Variants in DCST1 observed in about 807,000 individuals in gnomAD.
The protein encoded by DCST1 is DC-STAMP domain containing 1, also known as E3 ubiquitin-protein ligase DCST1.
A neutral mutation model predicts 89.1 loss-of-function variants in DCST1; 78 were observed. The observed-to-expected ratio is 0.88, with a 90% CI of 0.73 to 1.06. DCST1 has a LOEUF of 1.06. DCST1 is among the 50% of genes least tolerant of loss of function. The probability of loss-of-function intolerance (pLI) is 0.00; values close to 1 mark genes in which losing one functional copy is unlikely to be tolerated. For synonymous variants in DCST1, 364 were observed against 371.9 expected (o/e 0.98, Z 0.24); for missense variants, 900 against 928.6 (o/e 0.97, Z 0.40).
chr1:155,047,395 G>T lies in DCST1; in HGVS notation c.1612+83G>T, dbSNP rs1660687397. The stretch of plus-strand genomic sequence containing the variant: ...AAGACTCCAAGGTAAAGAGTTAGGG[G>T]CCTGGGCCTTGGGTGTGGAGAGATG... On this transcript the variant is annotated intron_variant, in intron 14 of 16. Coordinates refer to ENST00000295542, the MANE Select transcript of DCST1 (RefSeq NM_152494.4). 3 of 1,283,754 alleles carry T rather than the reference G, an allele frequency of 2.3e-6. No individual in the cohort carries two copies. In the South Asian group the frequency reaches 4.0e-5, roughly 17 times the overall value. 79.5% of individuals were successfully genotyped at this position (1,283,754 alleles called of 1,614,324 possible). A position where few individuals can be genotyped will look rare whatever the true frequency, so the allele number is the denominator to read the frequency against.
At chr1:155,043,074 G>A (rs1558108477) in intron 9 of DCST1, among the ~76,000 whole-genome samples, 1 of 152,118 alleles carries the variant, frequency 6.6e-6, no homozygotes, top group Admixed American at 6.5e-5. Flanking sequence ...GAGGGGAAAG[G>A]TGGTGAGGAG....
intron 16 of DCST1, among the ~76,000 whole-genome samples, chr1:155,050,287 A>T (rs1660861777): frequency 6.6e-6 from 1 of 152,210 alleles, no homozygotes; most frequent in South Asian, 2.1e-4. Flanking sequence ...CTCAACTGTA[A>T]AGTGGGGATA....
chr1:155,046,753 G>A (rs951251902), intron 13 of DCST1, among the ~76,000 whole-genome samples: 2 of 151,908 alleles, frequency 1.3e-5, no homozygotes, highest in African/African-American at 4.8e-5. Context: ...TTACAGGTGT[G>A]AGCCACCACG....
rs1251210102 is a variant in DCST1 at position 155,043,457 on chromosome 1, C to T, written c.1120C>T (p.Leu374=). The T allele has an allele frequency of 6.2e-7, 1 of 1,611,910 alleles. No homozygotes were observed. The highest frequency in any genetic ancestry group is 2.2e-5 in the East Asian group (1 of 44,868). The change falls in exon 10 of 17, where the codon CTG becomes TTG. Residue 374 remains leucine (L), a synonymous_variant. Coordinates refer to ENST00000295542, the MANE Select transcript of DCST1 (RefSeq NM_152494.4). ...CCAGGAGGCCCGGCTGGAGTGGGCCCTGGGGCTGCTGCACGTGCTGCTCTC... is the reference window on the plus strand; with the variant it reads ...CCAGGAGGCCCGGCTGGAGTGGGCCTTGGGGCTGCTGCACGTGCTGCTCTC... ...YRQEARLEWA[L]GLLHVLLSCT...
rs757905634 is a variant in DCST1, at chr1:155,041,637, G to A, written c.748+24G>A. The A allele has an allele frequency of 2.5e-6, 4 of 1,613,828 alleles. No individual in the cohort carries two copies. In the South Asian group the frequency reaches 4.4e-5, roughly 18 times the overall value. ...CTGTGAGGGGTATCCCTGGGGAGTGGAGGGTGGGGTGGGATGTGGGGCCAG... is the reference window on the plus strand; with the variant it reads ...CTGTGAGGGGTATCCCTGGGGAGTGAAGGGTGGGGTGGGATGTGGGGCCAG... On this transcript the variant is annotated intron_variant, in intron 7 of 16. Transcript: ENST00000295542.
chr1:155,042,070 G>A (rs950613115), intron 8 of DCST1, among the ~76,000 whole-genome samples: 21 of 152,312 alleles, frequency 1.4e-4, no homozygotes, highest in Non-Finnish European at 2.5e-4. Context: ...TGAAAGATGC[G>A]CATGGGCAGA....
In DCST1 at chr1:155,050,652, C is replaced by T. The variant is rs1390293426; in HGVS notation, c.1905C>T (p.Cys635=). The T allele has an allele frequency of 3.1e-6, 5 of 1,596,616 alleles. No individual in the cohort carries two copies. The highest frequency in any genetic ancestry group is 4.3e-6 in the Non-Finnish European group (5 of 1,174,704). Residue 635 remains cysteine (C), a synonymous_variant, in exon 17 of 17, where the codon TGC becomes TGT. Transcript: ENST00000295542. ...TGGCGGATATCCTGCACCGCGGCTG[C>T]CCGCTCCTGCGCCGCTGGCTGTGCC... ...HPLADILHRG[C]PLLRRWLCRR...
intron 16 of DCST1, chr1:155,049,259 T>G (rs1252367431): frequency 2.1e-5 from 12 of 568,992 alleles, no homozygotes; most frequent in Non-Finnish European, 2.9e-5. Context: ...ATTAAATGAG[T>G]TGTACTTACA....
At chr1:155,050,508 C>T (rs1660881498) in intron 16 of DCST1, 109 bp from the exon 17 acceptor site, 12 of 1,411,168 alleles carry the variant, frequency 8.5e-6, no homozygotes, top group Non-Finnish European at 1.0e-5. Flanking sequence ...CAGCCTCCTC[C>T]AACACGCGGG....
At chr1:155,045,725 G>A (rs549457406) in intron 10 of DCST1, 168 bp from the exon 11 acceptor site, 13 of 629,068 alleles carry the variant, frequency 2.1e-5, no homozygotes, top group Non-Finnish European at 3.4e-5. Flanking sequence ...GGCAGGGACA[G>A]AGTCTTCTCC....
chr1:155,041,302 C>A, intron 6 of DCST1, 95 bp from the exon 7 acceptor site: 1 of 1,343,034 alleles, frequency 7.4e-7, no homozygotes, highest in Non-Finnish European at 1.0e-6. Context: ...GGGTGAGAAC[C>A]CAAAGCTTGG....
In DCST1 at chr1:155,041,449, A is replaced by T; in HGVS notation, c.584A>T (p.Glu195Val). 6.2e-7 allele frequency: 1 copy of T among 1,614,076 alleles called. No homozygotes were observed. The highest frequency in any genetic ancestry group is 2.2e-5 in the East Asian group (1 of 44,882). ...AETRNISATF[E>V]DLDAQVNSET... is the part of the protein sequence containing the mutation. ...ACTCGGAACATCTCCGCCACTTTTG[A>T]GGACCTGGATGCCCAGGTGAATAGT... Residue 195 changes from glutamate to valine, a missense_variant, in exon 7 of 17, where the codon GAG (glutamate) becomes GTG (valine). Glu to Val is a moderately radical substitution (Grantham distance 121). Coordinates refer to ENST00000295542, the MANE Select transcript of DCST1 (RefSeq NM_152494.4).
At chr1:155,038,681 T>C (rs910883817) in intron 4 of DCST1, among the ~76,000 whole-genome samples, 1 of 152,214 alleles carries the variant, frequency 6.6e-6, no homozygotes, top group Non-Finnish European at 1.5e-5. Context: ...CAGGCCCAGC[T>C]GACACGTCCT....
Position 155,043,305 on chromosome 1 carries a change from C to T in DCST1, c.1015-47C>T, listed in dbSNP as rs557949931. 6 of 1,612,844 alleles carry T rather than the reference C, an allele frequency of 3.7e-6. No homozygotes were observed. The African/African-American group carries it at 5.3e-5, about 14-fold the overall frequency. ...TGTCATGAAGAGGTGGGACCCAGGT[C>T]TGACGAGGTGGCCGCAGGCTGAGTT... On this transcript the variant is annotated intron_variant, in intron 9 of 16. Transcript: ENST00000295542.
Position 155,045,974 on chromosome 1 carries a change from T to A in DCST1, c.1254T>A (p.Asp418Glu). 2 of 1,614,144 alleles carry A rather than the reference T, an allele frequency of 1.2e-6. No homozygotes were observed. The highest frequency in any genetic ancestry group is 3.3e-5 in the Admixed American group (2 of 60,028). The change falls in exon 11 of 17, where the codon GAT (aspartate) becomes GAA (glutamate). Residue 418 changes from aspartate (D) to glutamate (E), a missense_variant. Physicochemically the swap from Asp to Glu is conservative, Grantham distance 45 (BLOSUM62 2). Transcript: ENST00000295542. Reference sequence around the variant, plus strand: ...TCAGTACCTACTTCTGCCAGATCGATGACCGCAGGAAGAAGCTGGTGAGTG... The same window carrying A: ...TCAGTACCTACTTCTGCCAGATCGAAGACCGCAGGAAGAAGCTGGTGAGTG... ...IYISTYFCQI[D>E]DRRKKLGKRT...
At chr1:155,034,847 C>T (rs751598061) in intron 4 of DCST1, 120 bp downstream of exon 4, 16 of 1,083,536 alleles carry the variant, frequency 1.5e-5, no homozygotes, top group South Asian at 3.9e-5. Flanking sequence ...CTGTGGCTTC[C>T]GCCTCCTCCT....
At chr1:155,041,928 G>T in intron 8 of DCST1, 71 bp downstream of exon 8, 1 of 1,592,158 alleles carries the variant, frequency 6.3e-7, no homozygotes, top group South Asian at 1.1e-5. Flanking sequence ...ACTGGTAGGT[G>T]ACAGGCAGGA....
intron 14 of DCST1, 141 bp from the exon 15 acceptor site, chr1:155,047,646 G>A (rs542258929): frequency 5.6e-6 from 4 of 719,876 alleles, no homozygotes; most frequent in Admixed American, 2.7e-5. Flanking sequence ...TACTGACAGG[G>A]CAGTTCTGCA....
At chr1:155,037,357 C>T (rs1057331590) in intron 4 of DCST1, among the ~76,000 whole-genome samples, 40 of 151,984 alleles carry the variant, frequency 2.6e-4, no homozygotes, top group Non-Finnish European at 4.1e-4. Flanking sequence ...CATGTGACAC[C>T]CATCCTCTCC....
Sources: gnomAD v4.1 joint callset for allele counts (sites outside exome capture counted in the v4.1 genomes callset) on GRCh38, gnomAD v4.1.1 for gene constraint, MANE v1.5 for transcripts, NCBI Gene and HGNC (gene_info 2026-07-23, HGNC 2026-07-21) for gene names.